The following MEI1 variants were observed in gnomAD, a reference collection of about 807,000 sequenced individuals.
MEI1 encodes meiosis inhibitor protein 1.
In MEI1, 103 loss-of-function variants were observed where a neutral mutation model predicts 146.2. The observed-to-expected ratio is 0.70, with a 90% CI of 0.60 to 0.83. The LOEUF (loss-of-function observed/expected upper bound fraction) is 0.83. MEI1 is among the 40% of genes least tolerant of loss of function. MEI1 has a pLI of 0.00. For missense variants in MEI1, 1,529 were observed against 1,533.0 expected, an observed-to-expected ratio of 1.00 and a Z score of 0.04; for synonymous variants, 652 against 628.2, an observed-to-expected ratio of 1.04 and a Z score of -0.57.
chr22:41,784,554 G>T, intron 25 of MEI1, 54 bp from the exon 26 acceptor site: 2 of 1,600,964 alleles, frequency 1.2e-6, no homozygotes, highest in Non-Finnish European at 1.7e-6. Context: ...GACAGAGCTG[G>T]GTGGGAGGTG....
chr22:41,755,416 T>C (rs1569258396), intron 17 of MEI1, among the ~76,000 whole-genome samples: 1 of 152,204 alleles, frequency 6.6e-6, no homozygotes, highest in Non-Finnish European at 1.5e-5. Flanking sequence ...CCAACATAGC[T>C]TGGCTACTGG....
At position 41,743,132 on chromosome 22, in the gene MEI1, C is replaced by T; in HGVS notation, c.1384C>T (p.Leu462=). ...PVQYGELQAL[L]EAMLNRCAEF... is the part of the protein sequence containing the mutation. ...GCAGTATGGGGAACTGCAGGCTTTG[C>T]TAGAAGCCATGCTAAACCGATGTGC... Residue 462 remains leucine (L), a synonymous_variant, in exon 12 of 31, where the codon CTA becomes TTA. Transcript: ENST00000401548. 2 of 1,613,302 alleles carry T rather than the reference C, an allele frequency of 1.2e-6. No individual in the cohort carries two copies. Among genetic ancestry groups the T allele is most frequent in the South Asian group, 2.2e-5 (2 of 91,036 alleles).
rs771629973 is a variant in MEI1 at position 41,795,698 on chromosome 22, G to C, written c.3667-37G>C. ...TTAGGGCCTGTGTGGAATGGGCACT[G>C]AGGAGGCCTGTCTTCCCTGCCCTCT... On this transcript the variant is annotated intron_variant, in intron 29 of 30. Transcript: ENST00000401548. This position sits in a 1 kb window ranked among gnomAD's most constrained non-coding sequence, Gnocchi z 4.2. 1 of 1,603,036 alleles carries C rather than the reference G, an allele frequency of 6.2e-7. No homozygotes were observed. Among genetic ancestry groups the C allele is most frequent in the East Asian group, 2.2e-5 (1 of 44,730 alleles).
chr22:41,753,864 G>A, intron 16 of MEI1, 85 bp from the exon 17 acceptor site: 1 of 939,062 alleles, frequency 1.1e-6, no homozygotes, highest in African/African-American at 1.6e-5. Flanking sequence ...CAAAGCAGTG[G>A]TGCCCAGGCA....
Position 41,794,375 on chromosome 22 carries a change from C to T in MEI1, c.3432C>T (p.Leu1144=), listed in dbSNP as rs965479521. ...ACAACCCAGTGTTTCTTGAAGCTCT[C>T]CACGTGGCCTCCCAGCCTTGGAATC... ...YLDARSPDIA[L]HVASQPWNRF... Residue 1144 remains leucine (L), a synonymous_variant, in exon 28 of 31, where the codon CTC becomes CTT. Coordinates refer to ENST00000401548, the MANE Select transcript of MEI1 (RefSeq NM_152513.4). 6.2e-7 allele frequency: 1 copy of T among 1,613,678 alleles called. No homozygotes were observed. Among genetic ancestry groups the T allele is most frequent in the Non-Finnish European group, 8.5e-7 (1 of 1,179,706 alleles).
intron 3 of MEI1, 28 bp from the exon 4 acceptor site, chr22:41,713,974 G>C: frequency 6.4e-7 from 1 of 1,561,244 alleles, no homozygotes; most frequent in Non-Finnish European, 8.7e-7. Context: ...GGTGCCTCCT[G>C]GTTAGTAATA....
intron 26 of MEI1, among the ~76,000 whole-genome samples, chr22:41,792,049 C>T (rs1370837056): frequency 6.6e-6 from 1 of 152,132 alleles, no homozygotes; most frequent in African/African-American, 2.4e-5. Flanking sequence ...TGAAAATATT[C>T]TTGAATTACA....
At chr22:41,778,458 C>T (rs560108353) in intron 21 of MEI1, among the ~76,000 whole-genome samples, 46 of 152,208 alleles carry the variant, frequency 3.0e-4, no homozygotes, top group Non-Finnish European at 6.3e-4. Context: ...CCATGCTTCA[C>T]ATTTTGTTTA....
chr22:41,702,855 G>A (rs2068818192), intron 1 of MEI1, among the ~76,000 whole-genome samples: 1 of 151,988 alleles, frequency 6.6e-6, no homozygotes, highest in African/African-American at 2.4e-5. Flanking sequence ...GCCTCCCTGG[G>A]TTTACAGGCA....
chr22:41,781,184 TC>T (rs2075741205), intron 22 of MEI1, 99 bp from the exon 23 acceptor site: 1 of 790,018 alleles, frequency 1.3e-6, no homozygotes, highest in South Asian at 1.5e-5. Context: ...TTGTGCTTGC[TC>T]CCCAAGACTG....
Position 41,745,078 on chromosome 22 carries a change from T to C in MEI1, c.1538+14T>C. 2 of 1,514,882 alleles carry C rather than the reference T, an allele frequency of 1.3e-6. No individual in the cohort carries two copies. The highest frequency in any genetic ancestry group is 1.8e-6 in the Non-Finnish European group (2 of 1,126,148). 93.8% of individuals were successfully genotyped at this position (1,514,882 alleles called of 1,614,324 possible). On this transcript the variant is annotated intron_variant, in intron 13 of 30. Transcript: ENST00000401548. ...AAGTGCCTGCAGGTGAGGGGCCCTC[T>C]GAGGTATGAAGTAATAGCATGGAAG... is the stretch of plus-strand genomic sequence containing the variant.
chr22:41,728,086 A>T (rs185678778), intron 7 of MEI1, among the ~76,000 whole-genome samples: 17 of 152,334 alleles, frequency 1.1e-4, no homozygotes, highest in African/African-American at 3.1e-4. Flanking sequence ...AACTCCAGTA[A>T]GTTGGCCCTG....
intron 20 of MEI1, among the ~76,000 whole-genome samples, chr22:41,773,196 G>T (rs1204149008): frequency 3.3e-5 from 5 of 152,200 alleles, no homozygotes; most frequent in Non-Finnish European, 7.3e-5. Context: ...AGGTGGTGGA[G>T]GTCAGGGCAG....
intron 6 of MEI1, among the ~76,000 whole-genome samples, chr22:41,718,535 C>T (rs1041059384): frequency 6.6e-6 from 1 of 152,136 alleles, no homozygotes; most frequent in Non-Finnish European, 1.5e-5. Context: ...CCTGGTGCAT[C>T]CTGTATTTGC....
intron 15 of MEI1, among the ~76,000 whole-genome samples, chr22:41,752,115 G>C (rs1029178227): frequency 3.9e-5 from 6 of 151,944 alleles, no homozygotes; most frequent in African/African-American, 1.4e-4. Context: ...CCTCTGTTCT[G>C]AGAATCAATT....
Position 41,795,326 on chromosome 22 carries a change from C to G in MEI1, c.3535-85C>G. 2 of 1,554,876 alleles carry G rather than the reference C, an allele frequency of 1.3e-6. No individual in the cohort carries two copies. The highest frequency in any genetic ancestry group is 8.8e-7 in the Non-Finnish European group (1 of 1,140,928). The stretch of plus-strand genomic sequence containing the variant: ...GGTTCTGTGGGCTTCAGGACAGTGT[C>G]TCCTAAAGTTGGGGCACAGCAGTTG... On this transcript the variant is annotated intron_variant, in intron 28 of 30. Transcript: ENST00000401548. The surrounding 1 kb of genome is among the most constrained non-coding windows in gnomAD (Gnocchi z 4.2).
At chr22:41,723,893 C>T (rs1266276646) in intron 6 of MEI1, 50 bp from the exon 7 acceptor site, 7 of 1,556,046 alleles carry the variant, frequency 4.5e-6, no homozygotes, top group Non-Finnish European at 6.1e-6. Context: ...TGGGAGTACT[C>T]TGGTGCCTGT....
At chr22:41,712,528 C>T (rs2069678650) in intron 3 of MEI1, among the ~76,000 whole-genome samples, 1 of 151,922 alleles carries the variant, frequency 6.6e-6, no homozygotes, top group Non-Finnish European at 1.5e-5. Flanking sequence ...AGCCACTGCG[C>T]CCGGCTCAAA....
At chr22:41,749,094 G>A (rs905904466) in intron 15 of MEI1, among the ~76,000 whole-genome samples, 34 of 151,830 alleles carry the variant, frequency 2.2e-4, no homozygotes, top group African/African-American at 7.3e-4. Context: ...GTGAGCGACC[G>A]CCCAGAACAT....
Sources: allele counts gnomAD v4.1 joint callset (sites outside exome capture counted in the v4.1 genomes callset), GRCh38; gene constraint gnomAD v4.1.1; non-coding constraint Gnocchi (gnomAD v3.1); transcripts MANE v1.5; gene names NCBI Gene and HGNC (gene_info 2026-07-23, HGNC 2026-07-21).